CLTCL1: variants seen among roughly 807,000 people sequenced by gnomAD.
CLTCL1 encodes clathrin heavy chain like 1, also known as clathrin heavy chain 2.
Under a neutral mutation model 190.0 loss-of-function variants are expected in CLTCL1, and 159 were observed. That is an observed-to-expected ratio of 0.84 (90% CI 0.74 to 0.95). The LOEUF (loss-of-function observed/expected upper bound fraction) is 0.95. CLTCL1 is among the 40% of genes least tolerant of loss of function. CLTCL1 has a pLI of 0.00. For missense variants in CLTCL1, 1,878 were observed against 2,033.4 expected, an observed-to-expected ratio of 0.92 and a Z score of 1.47; for synonymous variants, 752 against 769.6, an observed-to-expected ratio of 0.98 and a Z score of 0.38.
intron 1 of CLTCL1, among the ~76,000 whole-genome samples, chr22:19,286,903 A>G (rs2087926686): frequency 6.6e-6 from 1 of 152,194 alleles, no homozygotes; most frequent in African/African-American, 2.4e-5. Context: ...TCTTTCTCCT[A>G]CAATTCTAAT....
chr22:19,196,296 C>A lies in CLTCL1; in HGVS notation c.4161G>T (p.Lys1387Asn), dbSNP rs375087295. The A allele has an allele frequency of 2.2e-5, 35 of 1,613,720 alleles. No individual in the cohort carries two copies. The highest frequency in any genetic ancestry group is 1.4e-5 in the Non-Finnish European group (16 of 1,179,868). The change falls in exon 26 of 33, where the codon AAG (lysine) becomes AAT (asparagine). Residue 1387 changes from lysine to asparagine, a missense_variant. Transcript: ENST00000427926. ...TAATGATGTCCTTGAACTGACCCTC[C>A]TTCCAGGCCTCAGTGGGGTGGCTCA... ...TMMSHPTEAW[K>N]EGQFKDIITK...
intron 31 of CLTCL1, among the ~76,000 whole-genome samples, 196 bp downstream of exon 31, chr22:19,180,535 T>C (rs1002117366): frequency 6.6e-6 from 1 of 152,142 alleles, no homozygotes; most frequent in Non-Finnish European, 1.5e-5. Flanking sequence ...GCAGGCATCC[T>C]TACAGCAGGG....
chr22:19,259,093 T>C (rs1441650505), intron 2 of CLTCL1, among the ~76,000 whole-genome samples: 1 of 152,130 alleles, frequency 6.6e-6, no homozygotes, highest in Non-Finnish European at 1.5e-5. Context: ...CTTGCAGATA[T>C]TGCACTTGTT....
rs782724986 is a variant in CLTCL1 at position 19,275,682 on chromosome 22, C to T, written c.191G>A (p.Arg64Gln). 5.6e-6 allele frequency: 9 copies of T among 1,606,104 alleles called. No homozygotes were observed. Among genetic ancestry groups the T allele is most frequent in the South Asian group, 3.4e-5 (3 of 89,368 alleles). The change falls in exon 2 of 33, where the codon CGG (arginine) becomes CAG (glutamine). Residue 64 changes from arginine to glutamine, a missense_variant. By Grantham distance (43) the Arg-to-Gln change is conservative. Coordinates refer to ENST00000427926, the MANE Select transcript of CLTCL1 (RefSeq NM_007098.4). ...DMSDPMAPIR[R>Q]PISAESAIMN... ...GATGGCACTCTCTGCAGAGATAGGC[C>T]GTCGGATCGGAGCCATTGGGTCACT... is the stretch of plus-strand genomic sequence containing the variant.
chr22:19,275,549 C>T, intron 2 of CLTCL1, 74 bp downstream of exon 2: 1 of 1,422,250 alleles, frequency 7.0e-7, no homozygotes, highest in Non-Finnish European at 9.7e-7. Context: ...CTTAGTGACA[C>T]TTGTTCAATA....
chr22:19,290,876 G>A (rs150043804), intron 1 of CLTCL1, among the ~76,000 whole-genome samples: 38 of 152,272 alleles, frequency 2.5e-4, no homozygotes, highest in African/African-American at 7.2e-4. Context: ...ATTTAACACA[G>A]AGCACTCAGG....
chr22:19,252,697 C>T (rs1385071231), intron 3 of CLTCL1, among the ~76,000 whole-genome samples: 6 of 152,180 alleles, frequency 3.9e-5, no homozygotes, highest in African/African-American at 1.4e-4. Context: ...CCTCAAGTAT[C>T]TGGTGACTGA....
intron 2 of CLTCL1, among the ~76,000 whole-genome samples, chr22:19,256,667 A>AT (rs1160788962): frequency 0.028 from 3,781 of 136,800 alleles, 65 homozygotes; most frequent in East Asian, 0.075. Flanking sequence ...CTAATTTTTA[A>AT]TTTTTTTTTT....
Position 19,222,100 on chromosome 22 carries a change from T to C in CLTCL1, c.2419-7A>G, listed in dbSNP as rs2085591570. 1 of 1,612,926 alleles carries C rather than the reference T, an allele frequency of 6.2e-7. No individual in the cohort carries two copies. The highest frequency in any genetic ancestry group is 1.3e-5 in the African/African-American group (1 of 74,848). On this transcript the variant is annotated splice_region_variant and splice_polypyrimidine_tract_variant and intron_variant, in intron 15 of 32. Coordinates refer to ENST00000427926, the MANE Select transcript of CLTCL1 (RefSeq NM_007098.4). ...GGGTCCGGCTAGGGTTGACCTAGGG[T>C]AGTCAAGGTCAAGTAACTTCAGTGT...
At chr22:19,217,687 A>C (rs527414482) in intron 18 of CLTCL1, among the ~76,000 whole-genome samples, 104 of 151,288 alleles carry the variant, frequency 6.9e-4, no homozygotes, top group African/African-American at 2.4e-3. Flanking sequence ...ATCTCTACTA[A>C]AAATACAAAA....
intron 12 of CLTCL1, 140 bp downstream of exon 12, chr22:19,226,079 G>A (rs531787114): frequency 5.9e-5 from 57 of 962,286 alleles, no homozygotes; most frequent in Non-Finnish European, 7.6e-5. Flanking sequence ...AACTGCTTTT[G>A]GTAGTAAAGT....
At chr22:19,291,523 G>A (rs1253081050) in intron 1 of CLTCL1, 77 bp downstream of exon 1, 7 of 1,233,396 alleles carry the variant, frequency 5.7e-6, no homozygotes, top group African/African-American at 4.7e-5. Context: ...GGGGCTGGGG[G>A]CGCGGGGTCA....
chr22:19,283,172 C>T (rs554537585), intron 1 of CLTCL1, among the ~76,000 whole-genome samples: 30 of 150,944 alleles, frequency 2.0e-4, no homozygotes, highest in Admixed American at 6.6e-4. Context: ...GGGCCTGGCC[C>T]AGGTTTGTTT....
At chr22:19,214,771 C>T (rs1555948702) in intron 19 of CLTCL1, among the ~76,000 whole-genome samples, 2 of 151,626 alleles carry the variant, frequency 1.3e-5, no homozygotes, top group African/African-American at 4.8e-5. Flanking sequence ...ACCTCCACCT[C>T]CCAGACTCAA....
intron 30 of CLTCL1, chr22:19,182,755 G>C (rs2084182008): frequency 6.6e-6 from 1 of 152,340 alleles, no homozygotes. Context: ...AGCTTTTCCA[G>C]TGTTAGAAAC....
At chr22:19,266,993 C>T (rs117952134) in intron 2 of CLTCL1, among the ~76,000 whole-genome samples, 108 of 152,082 alleles carry the variant, frequency 7.1e-4, no homozygotes, top group East Asian at 1.2e-3. Context: ...GTATTCTAGC[C>T]GATGCAATGT....
Position 19,222,081 on chromosome 22 carries a change from G to A in CLTCL1, c.2431C>T (p.Arg811Trp), listed in dbSNP as rs12628529. 7.8e-5 allele frequency: 126 copies of A among 1,613,924 alleles called. No homozygotes were observed. In the Middle Eastern group the frequency reaches 2.1e-3, roughly 27 times the overall value. Residue 811 changes from arginine to tryptophan, a missense_variant, in exon 16 of 33, where the codon CGG becomes TGG. By Grantham distance (101) the Arg-to-Trp change is moderately radical. Coordinates refer to ENST00000427926, the MANE Select transcript of CLTCL1 (RefSeq NM_007098.4). ...AGCCCTCCAATCACAGCTGGGGTCC[G>A]GCTAGGGTTGACCTAGGGTAGTCAA... ...EIYVQKVNPS[R>W]TPAVIGGLLD...
chr22:19,258,028 G>C, intron 2 of CLTCL1: 1 of 501,744 alleles, frequency 2.0e-6, no homozygotes, highest in South Asian at 1.5e-5. Flanking sequence ...TCAAGTATGA[G>C]ACAGAGCTGG....
intron 2 of CLTCL1, among the ~76,000 whole-genome samples, chr22:19,255,996 C>T (rs2146104229): frequency 6.6e-6 from 1 of 151,512 alleles, no homozygotes; most frequent in Middle Eastern, 3.4e-3. Flanking sequence ...AGTCTCTACA[C>T]TATAAAATAT....
Sources: allele counts gnomAD v4.1 joint callset (sites outside exome capture counted in the v4.1 genomes callset), GRCh38; gene constraint gnomAD v4.1.1; transcripts MANE v1.5; gene names NCBI Gene and HGNC (gene_info 2026-07-23, HGNC 2026-07-21).